Variants in PPP2R2B observed in about 807,000 individuals in gnomAD.
The protein encoded by PPP2R2B is serine/threonine-protein phosphatase 2A 55 kDa regulatory subunit B beta isoform.
PPP2R2B carries 5 observed loss-of-function variants against 46.0 expected under a neutral mutation model. The observed-to-expected ratio is 0.11, with a 90% CI of 0.06 to 0.23. PPP2R2B has a LOEUF of 0.23. PPP2R2B is among the 10% of genes least tolerant of loss of function. PPP2R2B has a pLI of 1.00. For missense variants in PPP2R2B, 367 were observed against 575.0 expected (o/e 0.64, Z 3.70); for synonymous variants, 215 against 206.7 (o/e 1.04, Z -0.34).
chr5:146,762,340 T>C (rs950258186), intron 2 of PPP2R2B, among the ~76,000 whole-genome samples: 3 of 152,196 alleles, frequency 2.0e-5, no homozygotes, highest in African/African-American at 7.2e-5. Context: ...AGGCATCAGT[T>C]TCCCCATCTA....
intron 2 of PPP2R2B, among the ~76,000 whole-genome samples, chr5:146,869,627 G>C (rs1761499570): frequency 6.6e-6 from 1 of 152,218 alleles, no homozygotes; most frequent in African/African-American, 2.4e-5. Flanking sequence ...AGATGGCTCT[G>C]AGGAAGTCTA....
intron 7 of PPP2R2B, among the ~76,000 whole-genome samples, chr5:146,631,353 T>C (rs954601622): frequency 1.3e-5 from 2 of 152,206 alleles, no homozygotes; most frequent in Non-Finnish European, 2.9e-5. Context: ...CCCTTTCATA[T>C]AGCCTCTGCT....
At chr5:146,842,481 C>CT (rs1290808345) in intron 2 of PPP2R2B, among the ~76,000 whole-genome samples, 3,691 of 135,220 alleles carry the variant, frequency 0.027, 84 homozygotes, top group African/African-American at 0.062. Flanking sequence ...CCTCCATGCC[C>CT]TTTTTTTTTT....
At chr5:146,643,638 A>G (rs754992895) in intron 6 of PPP2R2B, among the ~76,000 whole-genome samples, 1 of 152,206 alleles carries the variant, frequency 6.6e-6, no homozygotes, top group Non-Finnish European at 1.5e-5. Context: ...AATTGGGTTC[A>G]GTGTATACTG....
chr5:146,809,228 C>G (rs1757380896), intron 2 of PPP2R2B, among the ~76,000 whole-genome samples: 1 of 152,108 alleles, frequency 6.6e-6, no homozygotes, highest in South Asian at 2.1e-4. Flanking sequence ...GAAATTAAGG[C>G]AAATAATGGA....
chr5:146,857,677 A>C (rs1261199645), intron 2 of PPP2R2B, among the ~76,000 whole-genome samples: 1 of 150,820 alleles, frequency 6.6e-6, no homozygotes, highest in Non-Finnish European at 1.5e-5. Flanking sequence ...AGACATATAC[A>C]TAACTGTACT....
chr5:147,054,545 A>G (rs1756981343), intron 1 of PPP2R2B: 1 of 454,468 alleles, frequency 2.2e-6, no homozygotes, highest in African/African-American at 2.0e-5. Flanking sequence ...TCTCAATTCA[A>G]GGGTGATCCC....
At chr5:146,805,418 C>T (rs1219964240) in intron 2 of PPP2R2B, among the ~76,000 whole-genome samples, 1 of 152,116 alleles carries the variant, frequency 6.6e-6, no homozygotes, top group Non-Finnish European at 1.5e-5. Flanking sequence ...AGGATCCTGC[C>T]TGGTCTAGCT....
At chr5:146,608,316 G>T (rs779692649) in intron 7 of PPP2R2B, among the ~76,000 whole-genome samples, 5 of 152,162 alleles carry the variant, frequency 3.3e-5, no homozygotes, top group Non-Finnish European at 5.9e-5. Context: ...ACATCTCTCA[G>T]GATGGTACAT....
intron 2 of PPP2R2B, among the ~76,000 whole-genome samples, chr5:146,774,007 G>A (rs1755025605): frequency 6.6e-6 from 1 of 152,114 alleles, no homozygotes; most frequent in Admixed American, 6.6e-5. Flanking sequence ...AAATATCTTA[G>A]TATCCATAAG....
intron 1 of PPP2R2B, among the ~76,000 whole-genome samples, chr5:146,935,177 G>T (rs1290401007): frequency 6.6e-6 from 1 of 152,098 alleles, no homozygotes; most frequent in African/African-American, 2.4e-5. Context: ...TACGAACTGG[G>T]GCCTTTGAGA....
chr5:146,772,904 G>A (rs187421992), intron 2 of PPP2R2B, among the ~76,000 whole-genome samples: 1 of 152,146 alleles, frequency 6.6e-6, no homozygotes, highest in Admixed American at 6.5e-5. Flanking sequence ...TCATTTAAGG[G>A]TTTTGATTGT....
At position 146,934,828 on chromosome 5, in the gene PPP2R2B, C is replaced by T. The variant is rs543132766; in HGVS notation, c.79+120837G>A. Among the ~76,000 whole-genome samples, 58 of 151,692 alleles carry T rather than the reference C, an allele frequency of 3.8e-4. 1 individual carries two copies. The South Asian group carries it at 7.1e-3, about 19-fold the overall frequency. ...ACTATTATTCTAACAACATAGAGCA[C>T]GTTCTTCCAGATCACCAGCTGATAA... On this transcript the variant is annotated intron_variant, in intron 1 of 8. Transcript: ENST00000336640.
At chr5:147,013,967 A>G (rs1403991942) in intron 1 of PPP2R2B, among the ~76,000 whole-genome samples, 1 of 145,826 alleles carries the variant, frequency 6.9e-6, no homozygotes, top group Non-Finnish European at 1.5e-5. Context: ...AATGGGAGAA[A>G]ATTTTCGCAA....
intron 2 of PPP2R2B, among the ~76,000 whole-genome samples, chr5:147,073,707 T>C (rs1757672286): frequency 6.6e-6 from 1 of 152,184 alleles, no homozygotes. Flanking sequence ...AAAGAAAGAA[T>C]AGAATTTCTC....
intron 2 of PPP2R2B, among the ~76,000 whole-genome samples, chr5:146,867,080 T>C (rs1761354611): frequency 1.3e-5 from 2 of 152,178 alleles, no homozygotes; most frequent in Non-Finnish European, 2.9e-5. Flanking sequence ...ATGAGAAGAA[T>C]AGTGTTAAAA....
chr5:146,843,853 T>C (rs950647975), intron 2 of PPP2R2B, among the ~76,000 whole-genome samples: 1 of 151,966 alleles, frequency 6.6e-6, no homozygotes, highest in Non-Finnish European at 1.5e-5. Flanking sequence ...TCTATCATTG[T>C]TGGACATTTG....
intron 5 of PPP2R2B, among the ~76,000 whole-genome samples, chr5:146,657,653 G>T (rs1030680084): frequency 2.7e-5 from 4 of 147,304 alleles, no homozygotes; most frequent in African/African-American, 9.9e-5. Context: ...TCTTACTAAG[G>T]TGTACTATGC....
intron 2 of PPP2R2B, among the ~76,000 whole-genome samples, chr5:146,828,251 T>C (rs1340212398): frequency 6.9e-6 from 1 of 144,834 alleles, no homozygotes; most frequent in African/African-American, 2.6e-5. Context: ...AATATTACTT[T>C]TACTTTTTTT....
Sources: gnomAD v4.1 joint callset for allele counts (sites outside exome capture counted in the v4.1 genomes callset) on GRCh38, gnomAD v4.1.1 for gene constraint, MANE v1.5 for transcripts, NCBI Gene and HGNC (gene_info 2026-07-23, HGNC 2026-07-21) for gene names.